PRTFDC1: variants seen among roughly 807,000 people sequenced by gnomAD.
PRTFDC1 encodes the protein phosphoribosyl transferase domain containing 1, also known as phosphoribosyltransferase domain-containing protein 1.
Under a neutral mutation model 34.6 loss-of-function variants are expected in PRTFDC1, and 38 were observed. The ratio of observed to expected loss-of-function variants is 1.10; its 90% CI spans 0.85 to 1.44. The LOEUF (loss-of-function observed/expected upper bound fraction) is 1.44, where lower values mean the gene tolerates loss of function less well. PRTFDC1 is among the 40% of genes most tolerant of loss of function. The pLI is 0.00. For missense variants in PRTFDC1, 270 were observed against 283.0 expected, an observed-to-expected ratio of 0.95 and a Z score of 0.33; for synonymous variants, 93 against 98.1, an observed-to-expected ratio of 0.95 and a Z score of 0.31.
At chr10:24,880,984 T>C (rs913024) in intron 3 of PRTFDC1, among the ~76,000 whole-genome samples, 118,160 of 143,386 alleles carry the variant, frequency 0.82, 48,786 homozygotes, top group South Asian at 0.88. Context: ...CTTCCTCCCT[T>C]CCTCCCTCCC....
chr10:24,903,087 A>G (rs558181355), intron 3 of PRTFDC1, among the ~76,000 whole-genome samples: 2 of 152,336 alleles, frequency 1.3e-5, no homozygotes, highest in African/African-American at 4.8e-5. Flanking sequence ...AATCCCAGCT[A>G]TTCAGGAGGC....
chr10:24,871,131 A>G (rs1229035246), intron 4 of PRTFDC1, among the ~76,000 whole-genome samples: 1 of 151,116 alleles, frequency 6.6e-6, no homozygotes, highest in Non-Finnish European at 1.5e-5. Context: ...TATTACACAT[A>G]TTTTTATGAA....
chr10:24,879,679 G>A (rs1326687155), intron 3 of PRTFDC1, among the ~76,000 whole-genome samples: 1 of 152,098 alleles, frequency 6.6e-6, no homozygotes, highest in Non-Finnish European at 1.5e-5. Flanking sequence ...AGACACTGGG[G>A]AGGAAATGTT....
At chr10:24,895,708 T>TATAC (rs1048315346) in intron 3 of PRTFDC1, among the ~76,000 whole-genome samples, 1 of 137,174 alleles carries the variant, frequency 7.3e-6, no homozygotes, top group Non-Finnish European at 1.6e-5. Context: ...TATATATATA[T>TATAC]ATATATATAT....
At chr10:24,893,650 ATAG>A (rs1293044207) in intron 3 of PRTFDC1, among the ~76,000 whole-genome samples, 2 of 152,150 alleles carry the variant, frequency 1.3e-5, no homozygotes, top group African/African-American at 4.8e-5. Context: ...TTAGCTTATA[ATAG>A]TAATAATAAT....
rs1336174109 is a variant in PRTFDC1, at chr10:24,917,357, G to C, written c.339+19827C>G. Among the ~76,000 whole-genome samples the C allele has an allele frequency of 3.3e-5, 5 of 152,120 alleles. No individual in the cohort carries two copies. In the East Asian group the frequency reaches 9.7e-4, roughly 29 times the overall value. On this transcript the variant is annotated intron_variant, in intron 3 of 8. Coordinates refer to ENST00000320152, the MANE Select transcript of PRTFDC1 (RefSeq NM_020200.7). ...TAGGGATGGTTGTTGGATAGAAAAA[G>C]CAAGTGTGTCTGTTGCAGTACACAT...
At chr10:24,919,406 G>A (rs1434015318) in intron 3 of PRTFDC1, among the ~76,000 whole-genome samples, 1 of 152,142 alleles carries the variant, frequency 6.6e-6, no homozygotes, top group Admixed American at 6.5e-5. Flanking sequence ...TTAATAAATG[G>A]TGCTGGGAGA....
chr10:24,871,956 C>T (rs1445973981), intron 4 of PRTFDC1, 42 bp downstream of exon 4: 1 of 1,551,958 alleles, frequency 6.4e-7, no homozygotes, highest in African/African-American at 1.4e-5. Context: ...CACCGATGCC[C>T]CCAGACCTCA....
intron 4 of PRTFDC1, chr10:24,867,764 G>A (rs192650543): frequency 2.0e-5 from 3 of 150,752 alleles, no homozygotes; most frequent in East Asian, 1.9e-4. Context: ...GATAGGTTGC[G>A]GTATTGTATT....
intron 1 of PRTFDC1, among the ~76,000 whole-genome samples, chr10:24,947,326 G>A (rs1043578605): frequency 2.0e-5 from 3 of 152,180 alleles, no homozygotes; most frequent in Admixed American, 2.0e-4. Flanking sequence ...TGCAAATCGT[G>A]TTGTAAATAA....
intron 3 of PRTFDC1, among the ~76,000 whole-genome samples, chr10:24,927,420 C>T (rs571047438): frequency 6.6e-6 from 1 of 152,192 alleles, no homozygotes; most frequent in Non-Finnish European, 1.5e-5. Flanking sequence ...CAGGCCTATT[C>T]CTGATGTACT....
In PRTFDC1 at chr10:24,868,566, C is replaced by T. The variant is rs558739637; in HGVS notation, c.405+3432G>A. Among the ~76,000 whole-genome samples, 5 of 152,268 alleles carry T rather than the reference C, an allele frequency of 3.3e-5. No homozygotes were observed. In the East Asian group the frequency reaches 7.7e-4, roughly 23 times the overall value. ...CCCAAGTGATCACCCACCTTAGCCT[C>T]CTGAGTAGCTGAGTCTACAGGTGTG... On this transcript the variant is annotated intron_variant, in intron 4 of 8. Coordinates refer to ENST00000320152, the MANE Select transcript of PRTFDC1 (RefSeq NM_020200.7).
intron 1 of PRTFDC1, among the ~76,000 whole-genome samples, chr10:24,945,990 C>A (rs894185878): frequency 2.0e-5 from 3 of 152,168 alleles, no homozygotes; most frequent in African/African-American, 7.2e-5. Context: ...ACCAGGAGAA[C>A]CCTGACTGGC....
At chr10:24,882,874 T>C (rs1848103201) in intron 3 of PRTFDC1, among the ~76,000 whole-genome samples, 1 of 151,538 alleles carries the variant, frequency 6.6e-6, no homozygotes, top group South Asian at 2.1e-4. Flanking sequence ...CCATGTGAAT[T>C]CTGAACACCG....
chr10:24,941,867 A>T (rs1490406298), intron 2 of PRTFDC1, among the ~76,000 whole-genome samples: 1 of 152,218 alleles, frequency 6.6e-6, no homozygotes, highest in Non-Finnish European at 1.5e-5. Flanking sequence ...GTTAAAGTCA[A>T]GCAGGTTTCT....
chr10:24,932,120 C>A (rs1400549377), intron 3 of PRTFDC1, among the ~76,000 whole-genome samples: 1 of 151,886 alleles, frequency 6.6e-6, no homozygotes, highest in Non-Finnish European at 1.5e-5. Context: ...TGATGATATT[C>A]ATTCATAATT....
Position 24,848,891 on chromosome 10 carries a change from C to A in PRTFDC1, c.*953G>T, listed in dbSNP as rs575178686. On this transcript the variant is annotated 3_prime_UTR_variant, in exon 9 of 9. Transcript: ENST00000320152. Reference sequence around the variant, plus strand: ...TTGAGTGTGCTTGTTTCCTGTAGCACCTTGGATTTTGTGATCAGTCTTTTA... The same window carrying A: ...TTGAGTGTGCTTGTTTCCTGTAGCAACTTGGATTTTGTGATCAGTCTTTTA... 1.8e-4 allele frequency: 28 copies of A among 152,176 alleles called. 2 individuals are homozygous for A. In the South Asian group the frequency reaches 5.4e-3, roughly 29 times the overall value. 9.4% of individuals were successfully genotyped at this position (152,176 alleles called of 1,614,324 possible).
At chr10:24,905,661 G>A (rs1242953326) in intron 3 of PRTFDC1, among the ~76,000 whole-genome samples, 4 of 151,876 alleles carry the variant, frequency 2.6e-5, no homozygotes, top group African/African-American at 7.3e-5. Context: ...CTTTCCTGCT[G>A]GATGGTTTCT....
intron 1 of PRTFDC1, among the ~76,000 whole-genome samples, chr10:24,942,962 A>G (rs1006503959): frequency 6.6e-6 from 1 of 152,060 alleles, no homozygotes; most frequent in African/African-American, 2.4e-5. Flanking sequence ...ATACAATAAA[A>G]ATATAAAGTC....
Sources: gnomAD v4.1 joint callset for allele counts (sites outside exome capture counted in the v4.1 genomes callset) on GRCh38, gnomAD v4.1.1 for gene constraint, MANE v1.5 for transcripts, NCBI Gene and HGNC (gene_info 2026-07-23, HGNC 2026-07-21) for gene names.